Variants in CHST8 observed in about 807,000 individuals in gnomAD.
CHST8 encodes GALNAC-4-ST1.
A neutral mutation model predicts 15.0 loss-of-function variants in CHST8; 10 were observed. The ratio of observed to expected loss-of-function variants is 0.67; its 90% CI spans 0.41 to 1.13. The LOEUF is 1.13. Ranked by LOEUF, CHST8 falls within the 50% of genes most tolerant of loss-of-function variation. CHST8 has a pLI of 0.00. For synonymous variants in CHST8, 259 were observed against 256.6 expected (o/e 1.01, Z -0.09); for missense variants, 634 against 608.2 (o/e 1.04, Z -0.45).
Position 33,757,536 on chromosome 19 carries a change from GAAAGAAA to G in CHST8, c.131-13876_131-13870del, listed in dbSNP as rs1568358908. ...AAAGAAAGAAAGAGAAAGAAAGAAA[GAAAGAAA>G]GAAAGAAAGAAAGAAAGAAAGAAAG... On this transcript the variant is annotated intron_variant, in intron 3 of 4. Coordinates refer to ENST00000650847, the MANE Select transcript of CHST8 (RefSeq NM_001127895.2). Among the ~76,000 whole-genome samples the G allele has an allele frequency of 9.5e-4, 65 of 68,436 alleles. 1 individual carries two copies. The highest frequency in any genetic ancestry group is 1.5e-3 in the Non-Finnish European group (52 of 34,122). The allele number at this position is 68,436 out of a possible 152,430, so 44.9% of individuals were successfully genotyped here.
intron 1 of CHST8, among the ~76,000 whole-genome samples, chr19:33,664,975 G>A (rs994055434): frequency 2.6e-5 from 4 of 152,096 alleles, no homozygotes; most frequent in Admixed American, 6.5e-5. Flanking sequence ...TGTATGTACC[G>A]TATTTTCTTT....
At chr19:33,703,960 G>C (rs376636729) in intron 3 of CHST8, among the ~76,000 whole-genome samples, 29 of 152,336 alleles carry the variant, frequency 1.9e-4, no homozygotes, top group East Asian at 1.4e-3. Context: ...GGCTCCTAGT[G>C]GGGGGTGGAG....
At chr19:33,629,559 A>G (rs961839579) in intron 1 of CHST8, among the ~76,000 whole-genome samples, 1 of 152,152 alleles carries the variant, frequency 6.6e-6, no homozygotes, top group African/African-American at 2.4e-5. Flanking sequence ...GGCCCTATCT[A>G]CCAGGCTCTG....
At chr19:33,622,525 C>T (rs1370730155) in intron 1 of CHST8, among the ~76,000 whole-genome samples, 1 of 152,186 alleles carries the variant, frequency 6.6e-6, no homozygotes, top group Admixed American at 6.5e-5. Context: ...ATTAGACTTT[C>T]TCTCCTTGGA....
intron 2 of CHST8, among the ~76,000 whole-genome samples, chr19:33,679,598 A>G (rs1226077995): frequency 2.0e-5 from 3 of 152,196 alleles, no homozygotes; most frequent in Non-Finnish European, 4.4e-5. Flanking sequence ...AGACTGTCAG[A>G]CCTTCGTGTC....
intron 3 of CHST8, among the ~76,000 whole-genome samples, chr19:33,715,191 C>T (rs189186102): frequency 6.0e-4 from 91 of 152,324 alleles, no homozygotes; most frequent in African/African-American, 1.8e-3. Flanking sequence ...CTTCCCGACT[C>T]GCCCAGGGCT....
At position 33,772,081 on chromosome 19, in the gene CHST8, C is replaced by A; in HGVS notation, c.293C>A (p.Pro98Gln). The A allele has an allele frequency of 1.2e-6, 2 of 1,612,428 alleles. No individual in the cohort carries two copies. Among genetic ancestry groups the A allele is most frequent in the Non-Finnish European group, 1.7e-6 (2 of 1,179,786 alleles). Residue 98 changes from proline to glutamine, a missense_variant, in exon 5 of 5, where the codon CCG (proline) becomes CAG (glutamine). Pro to Gln is a moderately conservative substitution (Grantham distance 76, BLOSUM62 -1). Coordinates refer to ENST00000650847, the MANE Select transcript of CHST8 (RefSeq NM_001127895.2). The part of the protein sequence containing the change: ...NLPAPDQPQP[P>Q]LQRGTRLRLR... ...CCAGCGCCTGACCAGCCTCAACCCC[C>A]GCTGCAGAGGGGAACCCGTCTGCGG...
intron 2 of CHST8, among the ~76,000 whole-genome samples, chr19:33,672,920 G>T (rs951441110): frequency 6.6e-6 from 1 of 152,222 alleles, no homozygotes. Context: ...GACATCACGT[G>T]GGGTGACGCT....
At chr19:33,754,218 A>C (rs1974500495) in intron 3 of CHST8, among the ~76,000 whole-genome samples, 1 of 148,744 alleles carries the variant, frequency 6.7e-6, no homozygotes, top group Non-Finnish European at 1.5e-5. Flanking sequence ...GTGTGGTACA[A>C]ACCCCCTCCT....
chr19:33,758,299 G>A (rs1036305874), intron 3 of CHST8, among the ~76,000 whole-genome samples: 15 of 152,250 alleles, frequency 9.9e-5, no homozygotes, highest in Middle Eastern at 3.4e-3. Context: ...CCCAGACTCC[G>A]GGACCCCTGT....
chr19:33,752,285 T>C (rs973348251), intron 3 of CHST8, among the ~76,000 whole-genome samples: 2 of 152,182 alleles, frequency 1.3e-5, no homozygotes, highest in African/African-American at 4.8e-5. Context: ...TCCTGCTCAT[T>C]ACTCGACCCA....
At chr19:33,634,121 C>A (rs1365516150) in intron 1 of CHST8, among the ~76,000 whole-genome samples, 1 of 152,146 alleles carries the variant, frequency 6.6e-6, no homozygotes, top group Non-Finnish European at 1.5e-5. Context: ...CTCCCGACTC[C>A]ATTGCTGGAC....
At chr19:33,758,492 T>C (rs1974650076) in intron 3 of CHST8, among the ~76,000 whole-genome samples, 1 of 152,218 alleles carries the variant, frequency 6.6e-6, no homozygotes, top group Non-Finnish European at 1.5e-5. Flanking sequence ...AAGCATCACT[T>C]AAGACAGATT....
chr19:33,669,654 C>A (rs1331864350), intron 2 of CHST8, among the ~76,000 whole-genome samples: 1 of 152,186 alleles, frequency 6.6e-6, no homozygotes, highest in East Asian at 1.9e-4. Context: ...GGAAAACTTC[C>A]ATGAAACCTG....
At chr19:33,665,569 A>G (rs1390638303) in intron 1 of CHST8, among the ~76,000 whole-genome samples, 2 of 152,098 alleles carry the variant, frequency 1.3e-5, no homozygotes, top group Non-Finnish European at 2.9e-5. Context: ...AAGATGGCAA[A>G]TGGAAATGTG....
chr19:33,626,795 T>A (rs1209414971), intron 1 of CHST8, among the ~76,000 whole-genome samples: 2 of 149,828 alleles, frequency 1.3e-5, no homozygotes, highest in African/African-American at 4.9e-5. Flanking sequence ...TTTTTTTTTT[T>A]TTTTCTTTTT....
intron 3 of CHST8, among the ~76,000 whole-genome samples, chr19:33,730,546 G>A (rs1389044156): frequency 6.6e-6 from 1 of 152,208 alleles, no homozygotes; most frequent in African/African-American, 2.4e-5. Flanking sequence ...TTCATTGGAT[G>A]TGTTACTGGA....
chr19:33,720,458 G>A (rs1402246194), intron 3 of CHST8, among the ~76,000 whole-genome samples: 1 of 149,918 alleles, frequency 6.7e-6, no homozygotes, highest in East Asian at 2.0e-4. Flanking sequence ...TACCCACACT[G>A]CACACACATG....
chr19:33,765,120 T>C (rs999604844), intron 3 of CHST8, among the ~76,000 whole-genome samples: 1 of 146,586 alleles, frequency 6.8e-6, no homozygotes, highest in South Asian at 2.1e-4. Context: ...TTGGGTTGGT[T>C]GAGTGGGCCC....
Sources: gnomAD v4.1 joint callset for allele counts (sites outside exome capture counted in the v4.1 genomes callset) on GRCh38, gnomAD v4.1.1 for gene constraint, MANE v1.5 for transcripts, NCBI Gene and HGNC (gene_info 2026-07-23, HGNC 2026-07-21) for gene names.